SAMD12: variants seen among roughly 807,000 people sequenced by gnomAD.
SAMD12 encodes sterile alpha motif domain containing 12.
In SAMD12, 9 loss-of-function variants were observed where a neutral mutation model predicts 15.0. That is an observed-to-expected ratio of 0.60 (90% CI 0.36 to 1.05). The LOEUF is 1.05. Among genes scored for constraint, SAMD12 ranks in the 50% least tolerant of loss-of-function variants. SAMD12 has a pLI of 0.01. For synonymous variants in SAMD12, 86 were observed against 90.1 expected (o/e 0.96, Z 0.25); for missense variants, 230 against 234.2 (o/e 0.98, Z 0.12).
chr8:118,283,651 G>T (rs986369851), intron 4 of SAMD12, among the ~76,000 whole-genome samples: 3 of 152,230 alleles, frequency 2.0e-5, no homozygotes, highest in Non-Finnish European at 4.4e-5. Context: ...AGGGAAGGGA[G>T]ATCCATCCTG....
chr8:118,533,663 C>G (rs1825753356), intron 2 of SAMD12, among the ~76,000 whole-genome samples: 1 of 152,096 alleles, frequency 6.6e-6, no homozygotes, highest in Non-Finnish European at 1.5e-5. Context: ...GTTAGCTCTT[C>G]TTGTTGAATT....
chr8:118,562,701 C>T (rs756808484), intron 2 of SAMD12, among the ~76,000 whole-genome samples: 1 of 152,186 alleles, frequency 6.6e-6, no homozygotes, highest in South Asian at 2.1e-4. Flanking sequence ...GCAGTAAATA[C>T]TGGAAGTATA....
chr8:118,165,627 T>TAC, the SAMD12 span, among the ~76,000 whole-genome samples: 30 of 138,082 alleles, frequency 2.2e-4, no homozygotes, highest in East Asian at 2.6e-3. Flanking sequence ...TATATATATA[T>TAC]ATATATATAC....
chr8:118,340,704 G>A (rs906925390), intron 4 of SAMD12, among the ~76,000 whole-genome samples: 1 of 152,150 alleles, frequency 6.6e-6, no homozygotes, highest in African/African-American at 2.4e-5. Flanking sequence ...GGGAGGTGGA[G>A]GTTGCAGTGA....
At chr8:118,212,810 C>T (rs1338135046) in intron 4 of SAMD12, among the ~76,000 whole-genome samples, 2 of 152,194 alleles carry the variant, frequency 1.3e-5, no homozygotes, top group African/African-American at 2.4e-5. Flanking sequence ...TTCAGACGTG[C>T]ATCACTGCCA....
chr8:118,542,279 T>C (rs942153293), intron 2 of SAMD12, among the ~76,000 whole-genome samples: 1 of 152,200 alleles, frequency 6.6e-6, no homozygotes, highest in East Asian at 1.9e-4. Flanking sequence ...TGAAGATAAC[T>C]AGATCCTCTT....
intron 2 of SAMD12, among the ~76,000 whole-genome samples, chr8:118,571,531 GT>G (rs200251070): frequency 0.014 from 2,117 of 152,332 alleles, 45 homozygotes; most frequent in African/African-American, 0.048. Flanking sequence ...CAGGCCTGGA[GT>G]AGGCTGTATA....
chr8:118,279,866 T>A lies in SAMD12; in HGVS notation c.434-82134A>T, dbSNP rs562333524. Among the ~76,000 whole-genome samples the A allele has an allele frequency of 2.6e-5, 4 of 152,346 alleles. No homozygotes were observed. The South Asian group carries it at 8.3e-4, about 32-fold the overall frequency. On this transcript the variant is annotated intron_variant, in intron 4 of 4. Transcript: ENST00000409003. Reference sequence around the variant, plus strand: ...AGATGAACAGCCTGGCCCAGTGGGATTCACTTTACTGAAGAGGTAGTTGGT... The same window carrying A: ...AGATGAACAGCCTGGCCCAGTGGGAATCACTTTACTGAAGAGGTAGTTGGT...
intron 2 of SAMD12, among the ~76,000 whole-genome samples, chr8:118,553,041 C>T (rs1826397350): frequency 6.6e-6 from 1 of 152,032 alleles, no homozygotes; most frequent in South Asian, 2.1e-4. Flanking sequence ...AGGATACAAA[C>T]AAATGGAAGA....
chr8:118,492,122 CTT>C (rs543720456), intron 2 of SAMD12, among the ~76,000 whole-genome samples: 6 of 132,140 alleles, frequency 4.5e-5, no homozygotes, highest in Admixed American at 1.5e-4. Context: ...CTGGTGTTGC[CTT>C]TTTTTTTTTT....
intron 2 of SAMD12, among the ~76,000 whole-genome samples, chr8:118,514,956 C>T (rs1020467175): frequency 1.3e-5 from 2 of 152,116 alleles, no homozygotes; most frequent in African/African-American, 4.8e-5. Context: ...TTCCCCTTTG[C>T]TGTTCTCCTG....
intron 4 of SAMD12, among the ~76,000 whole-genome samples, chr8:118,203,851 G>A (rs190940113): frequency 2.5e-4 from 38 of 150,496 alleles, no homozygotes; most frequent in African/African-American, 9.0e-4. Flanking sequence ...TTGTCCTTGC[G>A]ATAGTTTGCT....
the SAMD12 span, among the ~76,000 whole-genome samples, chr8:118,149,888 A>T: frequency 6.6e-6 from 1 of 152,092 alleles, no homozygotes; most frequent in Non-Finnish European, 1.5e-5. Flanking sequence ...TTGACCATAT[A>T]CATACGGGTC....
intron 2 of SAMD12, among the ~76,000 whole-genome samples, chr8:118,500,435 A>G (rs889998347): frequency 2.0e-5 from 3 of 151,720 alleles, no homozygotes; most frequent in Non-Finnish European, 4.4e-5. Flanking sequence ...TTGTTCTCAA[A>G]TGTGATTAGA....
Position 118,281,637 on chromosome 8 carries a change from T to A in SAMD12, c.434-83905A>T, listed in dbSNP as rs1368611315. Among the ~76,000 whole-genome samples the A allele has an allele frequency of 2.0e-5, 3 of 152,168 alleles. No individual in the cohort carries two copies. In the East Asian group the frequency reaches 5.8e-4, roughly 29 times the overall value. On this transcript the variant is annotated intron_variant, in intron 4 of 4. Transcript: ENST00000409003. Reference sequence around the variant, plus strand: ...TTTTCCCTTTAAATTGCATGATAAATCCAGAAGTTGCTCAAAACCTGCTTT... The same window carrying A: ...TTTTCCCTTTAAATTGCATGATAAAACCAGAAGTTGCTCAAAACCTGCTTT...
intron 4 of SAMD12, among the ~76,000 whole-genome samples, chr8:118,256,568 G>A (rs1812943942): frequency 6.6e-6 from 1 of 151,876 alleles, no homozygotes; most frequent in Non-Finnish European, 1.5e-5. Context: ...CTCAGTATAG[G>A]TCAAGTTTCA....
At chr8:118,495,277 A>G (rs1041495344) in intron 2 of SAMD12, among the ~76,000 whole-genome samples, 2 of 152,182 alleles carry the variant, frequency 1.3e-5, no homozygotes, top group African/African-American at 4.8e-5. Context: ...CTTGGACATT[A>G]AGCAAGCCAC....
chr8:118,343,087 G>C (rs912785214), intron 4 of SAMD12, among the ~76,000 whole-genome samples: 1 of 152,066 alleles, frequency 6.6e-6, no homozygotes. Flanking sequence ...TTCCTCATCT[G>C]TAAGATGAGA....
chr8:118,406,890 T>TTGTGTGTG (rs3052708), intron 3 of SAMD12, among the ~76,000 whole-genome samples: 17,839 of 147,324 alleles, frequency 0.12, 1,163 homozygotes, highest in Middle Eastern at 0.16. Flanking sequence ...CAATATTCCA[T>TTGTGTGTG]TGTGTGTGTG....
Sources: gnomAD v4.1 joint callset for allele counts (sites outside exome capture counted in the v4.1 genomes callset) on GRCh38, gnomAD v4.1.1 for gene constraint, MANE v1.5 for transcripts, NCBI Gene and HGNC (gene_info 2026-07-23, HGNC 2026-07-21) for gene names.